Variants in GTPBP4 observed in about 807,000 individuals in gnomAD.
GTPBP4 encodes the protein GTP binding protein 4.
In GTPBP4, 15 loss-of-function variants were observed where a neutral mutation model predicts 81.7. That is an observed-to-expected ratio of 0.18 (90% CI 0.12 to 0.28). GTPBP4 has a LOEUF of 0.28. Among genes scored for constraint, GTPBP4 ranks in the 10% least tolerant of loss-of-function variants. GTPBP4 has a pLI of 1.00. For synonymous variants in GTPBP4, 272 were observed against 274.6 expected, an observed-to-expected ratio of 0.99 and a Z score of 0.09; for missense variants, 847 against 793.8, an observed-to-expected ratio of 1.07 and a Z score of -0.81.
At chr10:1,016,907 G>C (rs1253029182) in intron 16 of GTPBP4, among the ~76,000 whole-genome samples, 168 bp from the exon 17 acceptor site, 1 of 152,132 alleles carries the variant, frequency 6.6e-6, no homozygotes, top group Non-Finnish European at 1.5e-5. Context: ...AGAGAAAAGA[G>C]ATGTAACAGG....
At chr10:993,372 C>T (rs566646841) in intron 2 of GTPBP4, among the ~76,000 whole-genome samples, 2 of 152,302 alleles carry the variant, frequency 1.3e-5, no homozygotes, top group East Asian at 1.9e-4. Context: ...TGTGCTTCAG[C>T]CTCCCGCGTA....
At chr10:1,003,992 C>T (rs1432536343) in intron 8 of GTPBP4, among the ~76,000 whole-genome samples, 3 of 152,126 alleles carry the variant, frequency 2.0e-5, no homozygotes, top group Non-Finnish European at 2.9e-5. Context: ...TCCTGAAGCA[C>T]CCCTAGCAGC....
chr10:1,003,623 A>G (rs561389411), intron 8 of GTPBP4, among the ~76,000 whole-genome samples: 2 of 152,230 alleles, frequency 1.3e-5, no homozygotes, highest in East Asian at 3.9e-4. Flanking sequence ...TCTGGATAGG[A>G]GCAGTGACAT....
rs893904271 is a variant in GTPBP4, at chr10:1,002,630, G to A, written c.912+1617G>A. Among the ~76,000 whole-genome samples, 21 of 151,962 alleles carry A rather than the reference G, an allele frequency of 1.4e-4. 1 individual carries two copies. Among genetic ancestry groups the A allele is most frequent in the African/African-American group, 3.9e-4 (16 of 41,370 alleles). ...CGAATTCTCTGTTTTTGCTTTTCTC[G>A]GAAAGAATTTATTTCTCCCTTATTT... On this transcript the variant is annotated intron_variant, in intron 8 of 16. Transcript: ENST00000360803.
Position 1,010,404 on chromosome 10 carries a change from T to C in GTPBP4, c.1244-16T>C. ...AAAAACTGCTGTAAACGTAACCACC[T>C]TTTTTTTAACTTTAGAGTACTGGGA... On this transcript the variant is annotated splice_polypyrimidine_tract_variant and intron_variant, in intron 12 of 16. Transcript: ENST00000360803. 7.9e-7 allele frequency: 1 copy of C among 1,267,298 alleles called. No homozygotes were observed. The highest frequency in any genetic ancestry group is 1.1e-6 in the Non-Finnish European group (1 of 882,338). The allele number at this position is 1,267,298 out of a possible 1,614,324, so 78.5% of individuals were successfully genotyped here.
At chr10:995,895 C>G in intron 2 of GTPBP4, 34 bp from the exon 3 acceptor site, 1 of 1,280,306 alleles carries the variant, frequency 7.8e-7, no homozygotes, top group East Asian at 2.3e-5. Flanking sequence ...ACTGCTGGCC[C>G]CAAGTGACCG....
chr10:990,677 G>A (rs1225869347), intron 1 of GTPBP4, among the ~76,000 whole-genome samples: 1 of 141,312 alleles, frequency 7.1e-6, no homozygotes, highest in Non-Finnish European at 1.5e-5. Flanking sequence ...GCAGTGAACC[G>A]AGATCGCGCC....
Position 1,017,726 on chromosome 10 carries a change from T to G in GTPBP4, c.*499T>G, listed in dbSNP as rs1307735886. Reference sequence around the variant, plus strand: ...TTACTTAGCTCATGTTTTGGTTTAGTTATAGTCGCTATGGATTTGGCCAAA... The same window carrying G: ...TTACTTAGCTCATGTTTTGGTTTAGGTATAGTCGCTATGGATTTGGCCAAA... On this transcript the variant is annotated 3_prime_UTR_variant, in exon 17 of 17. Transcript: ENST00000360803. 1 of 152,434 alleles carries G rather than the reference T, an allele frequency of 6.6e-6. No individual in the cohort carries two copies. Among genetic ancestry groups the G allele is most frequent in the Non-Finnish European group, 1.5e-5 (1 of 68,192 alleles). 9.4% of individuals were successfully genotyped at this position (152,434 alleles called of 1,614,324 possible). A position where few individuals can be genotyped will look rare whatever the true frequency, so the allele number is the denominator to read the frequency against.
chr10:1,004,034 C>G (rs1368162506), intron 8 of GTPBP4, among the ~76,000 whole-genome samples: 1 of 152,156 alleles, frequency 6.6e-6, no homozygotes, highest in Non-Finnish European at 1.5e-5. Flanking sequence ...GTGGCTGTGG[C>G]TCCACCCGTG....
rs771254822 is a variant in GTPBP4, at chr10:996,004, A to T, written c.295A>T (p.Ile99Leu). The T allele has an allele frequency of 4.3e-6, 7 of 1,609,768 alleles. No individual in the cohort carries two copies. The South Asian group carries it at 7.7e-5, about 18-fold the overall frequency. ...TCATTACAAGTTGGCTCTGGGGCAA[A>T]TAAATATTGCCAAAAATTTAGTGGA... Reference protein sequence around the residue: ...KDHYKLALGQINIAKNLVDNV... With the variant: ...KDHYKLALGQLNIAKNLVDNV... Residue 99 changes from isoleucine (I) to leucine (L), a missense_variant, in exon 3 of 17, where the codon ATA becomes TTA. Transcript: ENST00000360803.
At position 1,000,966 on chromosome 10, in the gene GTPBP4, A is replaced by C. The variant is rs1163563570; in HGVS notation, c.865A>C (p.Asn289His). Residue 289 changes from asparagine (N) to histidine (H), a missense_variant, in exon 8 of 17, where the codon AAC becomes CAC. By Grantham distance (68) the Asn-to-His change is moderately conservative. Around this residue, in one of 3 missense-constraint regions of GTPBP4, gnomAD observed 600 missense variants for 557.1 expected, o/e 1.08. Transcript: ENST00000360803. ...FINKPLIVVA[N>H]KCDVKRIAEL... ...TGCCTAGCCTCTCATAGTTGTAGCC[A>C]ACAAATGTGATGTGAAGAGAATAGC... The C allele has an allele frequency of 6.2e-7, 1 of 1,611,872 alleles. No individual in the cohort carries two copies. The highest frequency in any genetic ancestry group is 8.5e-7 in the Non-Finnish European group (1 of 1,178,018).
At chr10:1,005,331 G>C (rs1326885817) in intron 8 of GTPBP4, among the ~76,000 whole-genome samples, 4 of 152,148 alleles carry the variant, frequency 2.6e-5, no homozygotes, top group Admixed American at 2.6e-4. Context: ...ATTTTTAGCA[G>C]AGACAGGGTT....
At chr10:1,007,445 A>AT in intron 10 of GTPBP4, 2 of 232,328 alleles carry the variant, frequency 8.6e-6, no homozygotes, top group Non-Finnish European at 1.7e-5. Context: ...TTAAATTTTC[A>AT]TTTTTTTGGC....
Position 1,015,875 on chromosome 10 carries a change from T to A in GTPBP4, c.1731T>A (p.Val577=). Residue 577 remains valine (V), a synonymous_variant, in exon 16 of 17, where the codon GTT becomes GTA. Coordinates refer to ENST00000360803, the MANE Select transcript of GTPBP4 (RefSeq NM_012341.3). ...GTTGCTCTCGAACTCCACGTGACGT[T>A]TCTGGTCTTAGGGATGTCAAGGTCA... ...SGSCSRTPRD[V]SGLRDVKMVK... 6 of 1,613,558 alleles carry A rather than the reference T, an allele frequency of 3.7e-6. No individual in the cohort carries two copies. The highest frequency in any genetic ancestry group is 5.1e-6 in the Non-Finnish European group (6 of 1,179,602).
At chr10:995,491 G>A (rs1238073780) in intron 2 of GTPBP4, among the ~76,000 whole-genome samples, 1 of 75,958 alleles carries the variant, frequency 1.3e-5, no homozygotes, top group Non-Finnish European at 2.5e-5. Context: ...GAGACACAGT[G>A]TGTCTTGGGA....
chr10:1,014,449 G>A, intron 15 of GTPBP4, 137 bp downstream of exon 15: 1 of 593,486 alleles, frequency 1.7e-6, no homozygotes, highest in East Asian at 3.2e-5. Flanking sequence ...GATGTCAGGG[G>A]TTCGAGACCA....
At chr10:995,783 A>G (rs1257686091) in intron 2 of GTPBP4, 146 bp from the exon 3 acceptor site, 3 of 598,356 alleles carry the variant, frequency 5.0e-6, no homozygotes, top group Admixed American at 3.0e-5. Flanking sequence ...TCAGAGGACT[A>G]AATAGACAGG....
At chr10:1,009,286 C>T (rs1418002583) in intron 11 of GTPBP4, among the ~76,000 whole-genome samples, 1 of 152,214 alleles carries the variant, frequency 6.6e-6, no homozygotes, top group Non-Finnish European at 1.5e-5. Flanking sequence ...CAGCCTCTTC[C>T]TACCAGAACC....
chr10:995,235 A>C (rs193299667), intron 2 of GTPBP4, among the ~76,000 whole-genome samples: 7 of 152,166 alleles, frequency 4.6e-5, no homozygotes, highest in Admixed American at 4.6e-4. Context: ...GGGAGCATGA[A>C]TGTTTGGGGT....
Sources: allele counts gnomAD v4.1 joint callset (sites outside exome capture counted in the v4.1 genomes callset), GRCh38; gene constraint gnomAD v4.1.1; regional missense constraint gnomAD v4.1.1; transcripts MANE v1.5; gene names NCBI Gene and HGNC (gene_info 2026-07-23, HGNC 2026-07-21).